The following RASAL2 variants were observed in gnomAD, a reference collection of about 807,000 sequenced individuals.
RASAL2 encodes RAS protein activator like 2.
Under a neutral mutation model 128.9 loss-of-function variants are expected in RASAL2, and 58 were observed. The ratio of observed to expected loss-of-function variants is 0.45; its 90% CI spans 0.36 to 0.56. RASAL2 has a LOEUF of 0.56. Among genes scored for constraint, RASAL2 ranks in the 20% least tolerant of loss-of-function variants. RASAL2 has a pLI of 0.00. For missense variants in RASAL2, 1,360 were observed against 1,601.6 expected (o/e 0.85, Z 2.57); for synonymous variants, 561 against 580.8 (o/e 0.97, Z 0.49).
chr1:178,193,317 A>C (rs1662552010), intron 1 of RASAL2, among the ~76,000 whole-genome samples: 1 of 152,230 alleles, frequency 6.6e-6, no homozygotes, highest in South Asian at 2.1e-4. Flanking sequence ...GTTAAAGACC[A>C]CAATAAATAA....
intron 1 of RASAL2, among the ~76,000 whole-genome samples, chr1:178,181,505 C>CT (rs779428548): frequency 6.6e-6 from 1 of 152,172 alleles, no homozygotes; most frequent in East Asian, 1.9e-4. Context: ...CTACAGGCAC[C>CT]TGCCACCGTG....
Position 178,473,404 on chromosome 1 carries a change from G to A in RASAL2, c.*165G>A, listed in dbSNP as rs534957280. On this transcript the variant is annotated 3_prime_UTR_variant, in exon 18 of 18. Coordinates refer to ENST00000367649, the MANE Select transcript of RASAL2 (RefSeq NM_170692.4). The stretch of plus-strand genomic sequence containing the variant: ...AACCTTGTCTTTCAGGGCATAAGGC[G>A]GCGACTTCCAAGGTCAATGCTTTTC... The A allele has an allele frequency of 2.3e-5, 19 of 837,776 alleles. No homozygotes were observed. Among genetic ancestry groups the A allele is most frequent in the African/African-American group, 6.9e-5 (4 of 58,262 alleles). The allele number at this position is 837,776 out of a possible 1,614,324, so 51.9% of individuals were successfully genotyped here. A position where few individuals can be genotyped will look rare whatever the true frequency, so the allele number is the denominator to read the frequency against.
At chr1:178,288,378 A>G (rs1667127106) in intron 2 of RASAL2, among the ~76,000 whole-genome samples, 1 of 152,106 alleles carries the variant, frequency 6.6e-6, no homozygotes, top group South Asian at 2.1e-4. Context: ...TTCACTGAGA[A>G]AATTGGAAAA....
intron 1 of RASAL2, among the ~76,000 whole-genome samples, chr1:178,208,433 C>A (rs1232454472): frequency 6.6e-6 from 1 of 152,048 alleles, no homozygotes; most frequent in Admixed American, 6.6e-5. Context: ...GACTGAGATA[C>A]GCCCTGGTCT....
intron 12 of RASAL2, 66 bp from the exon 13 acceptor site, chr1:178,456,655 A>T: frequency 6.4e-7 from 1 of 1,567,822 alleles, no homozygotes; most frequent in Non-Finnish European, 8.8e-7. Flanking sequence ...TCGTTGTGCC[A>T]AAAACAATCT....
intron 3 of RASAL2, among the ~76,000 whole-genome samples, chr1:178,304,049 A>G (rs1557888860): frequency 6.6e-6 from 1 of 152,178 alleles, no homozygotes; most frequent in African/African-American, 2.4e-5. Context: ...CTTTGTGATA[A>G]TTCATTGAGC....
intron 2 of RASAL2, among the ~76,000 whole-genome samples, chr1:178,291,848 A>G (rs1667292510): frequency 6.6e-6 from 1 of 152,106 alleles, no homozygotes. Context: ...CAGCCTGACC[A>G]ATATGGTGAA....
At chr1:178,285,458 A>G (rs1666984941) in intron 2 of RASAL2, among the ~76,000 whole-genome samples, 1 of 152,204 alleles carries the variant, frequency 6.6e-6, no homozygotes, top group Non-Finnish European at 1.5e-5. Context: ...ATATGCCTCC[A>G]TGAAGAACTT....
At chr1:178,254,496 T>G (rs1430708225) in intron 1 of RASAL2, among the ~76,000 whole-genome samples, 2 of 152,202 alleles carry the variant, frequency 1.3e-5, no homozygotes, top group African/African-American at 2.4e-5. Context: ...GAAATGGTCA[T>G]AAAGGCATAC....
intron 1 of RASAL2, among the ~76,000 whole-genome samples, chr1:178,230,694 A>C (rs1371692446): frequency 1.3e-5 from 2 of 152,148 alleles, no homozygotes. Context: ...CAGGAGTGAA[A>C]GTTTATTAAA....
chr1:178,311,282 A>ACG (rs1668236691), intron 3 of RASAL2, among the ~76,000 whole-genome samples: 1 of 151,842 alleles, frequency 6.6e-6, no homozygotes, highest in Non-Finnish European at 1.5e-5. Flanking sequence ...ACACACACAC[A>ACG]CACACATTGA....
chr1:178,267,120 A>G (rs774454647), intron 1 of RASAL2, among the ~76,000 whole-genome samples: 51 of 152,200 alleles, frequency 3.4e-4, no homozygotes, highest in Non-Finnish European at 4.3e-4. Flanking sequence ...CTTAACTCCT[A>G]CCACATTTTT....
intron 1 of RASAL2, among the ~76,000 whole-genome samples, chr1:178,181,247 A>T (rs535590171): frequency 6.6e-6 from 1 of 152,140 alleles, no homozygotes. Context: ...CATATGCTTC[A>T]CACCCAATTT....
chr1:178,471,625 T>C (rs1648282903), intron 17 of RASAL2, among the ~76,000 whole-genome samples: 1 of 152,190 alleles, frequency 6.6e-6, no homozygotes, highest in Non-Finnish European at 1.5e-5. Context: ...GTTTCTTTTT[T>C]TTTAATATAC....
At chr1:178,289,112 C>T (rs777505587) in intron 2 of RASAL2, among the ~76,000 whole-genome samples, 1 of 152,180 alleles carries the variant, frequency 6.6e-6, no homozygotes, top group Non-Finnish European at 1.5e-5. Flanking sequence ...CAGACTCTTA[C>T]CCACATCACT....
At chr1:178,375,520 T>TA (rs913694129) in intron 3 of RASAL2, among the ~76,000 whole-genome samples, 4 of 152,172 alleles carry the variant, frequency 2.6e-5, no homozygotes, top group African/African-American at 7.2e-5. Flanking sequence ...CTACTTTTTT[T>TA]ATCCCTGTGT....
chr1:178,250,268 G>T (rs1664981046), intron 1 of RASAL2, among the ~76,000 whole-genome samples: 1 of 152,178 alleles, frequency 6.6e-6, no homozygotes, highest in African/African-American at 2.4e-5. Flanking sequence ...TTTCAGAGAT[G>T]ACCTGCCCAG....
At chr1:178,173,409 G>T (rs574620755) in intron 1 of RASAL2, among the ~76,000 whole-genome samples, 6 of 152,110 alleles carry the variant, frequency 3.9e-5, no homozygotes, top group Non-Finnish European at 8.8e-5. Context: ...CCATCACATT[G>T]TAATGTACAT....
At chr1:178,456,527 C>T in intron 12 of RASAL2, 194 bp from the exon 13 acceptor site, 1 of 679,698 alleles carries the variant, frequency 1.5e-6, no homozygotes, top group South Asian at 1.7e-5. Flanking sequence ...TGTTTCGCCT[C>T]CTCCATTCAT....
Sources: gnomAD v4.1 joint callset for allele counts (sites outside exome capture counted in the v4.1 genomes callset) on GRCh38, gnomAD v4.1.1 for gene constraint, MANE v1.5 for transcripts, NCBI Gene and HGNC (gene_info 2026-07-23, HGNC 2026-07-21) for gene names.